Variants in ZSCAN4 observed in about 807,000 individuals in gnomAD.
ZSCAN4 encodes zinc finger and SCAN domain containing 4.
Under a neutral mutation model 18.3 loss-of-function variants are expected in ZSCAN4, and 18 were observed. That is an observed-to-expected ratio of 0.98 (90% confidence interval 0.68 to 1.46). ZSCAN4 has a LOEUF of 1.46. Among genes scored for constraint, ZSCAN4 ranks in the 40% most tolerant of loss-of-function variants. The pLI, the probability that ZSCAN4 is intolerant of heterozygous loss-of-function variation, is 0.00. For missense variants in ZSCAN4, 498 were observed against 511.4 expected (o/e 0.97, Z 0.25); for synonymous variants, 193 against 180.3 (o/e 1.07, Z -0.57).
the ZSCAN4 span, among the ~76,000 whole-genome samples, chr19:57,656,597 G>A: frequency 6.6e-6 from 1 of 152,188 alleles, no homozygotes; most frequent in African/African-American, 2.4e-5. Context: ...CAGGCATGAG[G>A]CCATTTCCCA....
At chr19:57,654,657 A>C in the ZSCAN4 span, among the ~76,000 whole-genome samples, 1 of 152,070 alleles carries the variant, frequency 6.6e-6, no homozygotes, top group African/African-American at 2.4e-5. Flanking sequence ...GTGCCCATCC[A>C]TCTGGTGGCC....
chr19:57,662,880 G>C, the ZSCAN4 span, among the ~76,000 whole-genome samples: 1 of 151,108 alleles, frequency 6.6e-6, no homozygotes, highest in Non-Finnish European at 1.5e-5. Flanking sequence ...CTTTACTTTG[G>C]GTTTTTTGTT....
intron 3 of ZSCAN4, 150 bp downstream of exon 3, chr19:57,676,691 AT>A (rs1984201647): frequency 2.9e-5 from 28 of 973,544 alleles, no homozygotes; most frequent in Non-Finnish European, 4.0e-5. Flanking sequence ...ACAAAGAATA[AT>A]CTTCAATGTC....
chr19:57,653,830 C>G, the ZSCAN4 span, among the ~76,000 whole-genome samples: 1 of 152,182 alleles, frequency 6.6e-6, no homozygotes, highest in Non-Finnish European at 1.5e-5. Flanking sequence ...AAACCTTGCC[C>G]CATCTGTGGT....
the ZSCAN4 span, among the ~76,000 whole-genome samples, chr19:57,654,800 A>G: frequency 6.6e-6 from 1 of 152,170 alleles, no homozygotes; most frequent in South Asian, 2.1e-4. Flanking sequence ...TTTCACCTGG[A>G]CAGATCCTGA....
At chr19:57,676,409 C>G (rs1261901671) in exon 3 of ZSCAN4, 1 of 1,614,134 alleles carries the variant, frequency 6.2e-7, no homozygotes, top group South Asian at 1.1e-5. Flanking sequence ...CTCTATTAGT[C>G]CTGGAGCAGT....
exon 4 of ZSCAN4, chr19:57,678,062 C>T: frequency 6.3e-7 from 1 of 1,582,990 alleles, no homozygotes; most frequent in Non-Finnish European, 8.6e-7. Flanking sequence ...CAAGATACTT[C>T]CTTAGAAACA....
intron 2 of ZSCAN4, among the ~76,000 whole-genome samples, chr19:57,675,820 G>A (rs898178012): frequency 1.3e-5 from 2 of 152,080 alleles, no homozygotes; most frequent in Non-Finnish European, 2.9e-5. Flanking sequence ...TTTTGTTTTG[G>A]ATAATTTTAA....
chr19:57,653,677 A>G, the ZSCAN4 span, among the ~76,000 whole-genome samples: 1 of 152,240 alleles, frequency 6.6e-6, no homozygotes, highest in Non-Finnish European at 1.5e-5. Flanking sequence ...GCTAAATACC[A>G]GGTGCTGGCA....
At chr19:57,670,552 C>G (rs1983987830) in exon 2 of ZSCAN4, 1 of 152,188 alleles carries the variant, frequency 6.6e-6, no homozygotes, top group East Asian at 1.9e-4. Flanking sequence ...CCGGGATTAC[C>G]CAGTCAACCA....
chr19:57,671,244 A>G (rs1460728399), intron 2 of ZSCAN4, among the ~76,000 whole-genome samples: 1 of 151,944 alleles, frequency 6.6e-6, no homozygotes, highest in Non-Finnish European at 1.5e-5. Flanking sequence ...ACAGACCCAG[A>G]CCTGACGGGT....
chr19:57,675,067 G>T (rs1984138149), intron 2 of ZSCAN4, among the ~76,000 whole-genome samples: 1 of 145,724 alleles, frequency 6.9e-6, no homozygotes, highest in Non-Finnish European at 1.5e-5. Flanking sequence ...GGATTCTCCT[G>T]CCTCCACCAC....
the ZSCAN4 span, among the ~76,000 whole-genome samples, chr19:57,653,898 A>G: frequency 6.6e-6 from 1 of 152,050 alleles, no homozygotes; most frequent in Non-Finnish European, 1.5e-5. Context: ...CTGCTTGACC[A>G]CCTCTAACTC....
intron 2 of ZSCAN4, among the ~76,000 whole-genome samples, chr19:57,674,616 T>G (rs1984122175): frequency 6.6e-6 from 1 of 152,194 alleles, no homozygotes; most frequent in Non-Finnish European, 1.5e-5. Flanking sequence ...CTGTGACTAG[T>G]GCTGCAATCA....
the ZSCAN4 span, among the ~76,000 whole-genome samples, chr19:57,661,183 T>C: frequency 6.6e-6 from 1 of 152,234 alleles, no homozygotes. Flanking sequence ...TTTTAATGAA[T>C]ATTTGGAATA....
At chr19:57,656,423 C>A in the ZSCAN4 span, among the ~76,000 whole-genome samples, 1 of 152,230 alleles carries the variant, frequency 6.6e-6, no homozygotes, top group Admixed American at 6.5e-5. Flanking sequence ...CCTCCCACAT[C>A]CACAACCACT....
the ZSCAN4 span, among the ~76,000 whole-genome samples, chr19:57,658,950 C>T: frequency 6.6e-6 from 1 of 151,902 alleles, no homozygotes; most frequent in South Asian, 2.1e-4. Flanking sequence ...AACTCATGGT[C>T]CATTATTAAA....
chr19:57,654,888 C>T, the ZSCAN4 span, among the ~76,000 whole-genome samples: 1 of 152,186 alleles, frequency 6.6e-6, no homozygotes, highest in Non-Finnish European at 1.5e-5. Context: ...TTTGGACAGG[C>T]CCTCACCAGG....
intron 2 of ZSCAN4, among the ~76,000 whole-genome samples, chr19:57,671,598 G>T (rs940504659): frequency 6.6e-6 from 1 of 151,378 alleles, no homozygotes; most frequent in Non-Finnish European, 1.5e-5. Flanking sequence ...GCTGGCCCAG[G>T]AAAGCCTCGT....
Sources: gnomAD v4.1 joint callset for allele counts (sites outside exome capture counted in the v4.1 genomes callset) on GRCh38, gnomAD v4.1.1 for gene constraint, MANE v1.5 for transcripts, NCBI Gene and HGNC (gene_info 2026-07-23, HGNC 2026-07-21) for gene names.